Variants in PRKCE observed in about 807,000 individuals in gnomAD.
The protein encoded by PRKCE is protein kinase C epsilon, also known as protein kinase C epsilon type.
PRKCE carries 16 observed loss-of-function variants against 85.4 expected under a neutral mutation model. The ratio of observed to expected loss-of-function variants is 0.19; its 90% CI spans 0.13 to 0.28. PRKCE has a LOEUF of 0.28. Among genes scored for constraint, PRKCE ranks in the 10% least tolerant of loss-of-function variants. The pLI is 1.00. For missense variants in PRKCE, 573 were observed against 975.2 expected, an observed-to-expected ratio of 0.59 and a Z score of 5.49; for synonymous variants, 388 against 371.5, an observed-to-expected ratio of 1.04 and a Z score of -0.51.
intron 14 of PRKCE, among the ~76,000 whole-genome samples, chr2:46,162,560 G>A (rs906115549): frequency 1.3e-5 from 2 of 152,174 alleles, no homozygotes; most frequent in Non-Finnish European, 2.9e-5. Flanking sequence ...GGGGTCAGGG[G>A]AGAGGGTATT....
At chr2:45,792,835 A>C (rs941122290) in intron 1 of PRKCE, among the ~76,000 whole-genome samples, 2 of 152,180 alleles carry the variant, frequency 1.3e-5, no homozygotes, top group African/African-American at 2.4e-5. Flanking sequence ...GTCTTGCTCC[A>C]TCACCCAGGC....
At chr2:45,993,165 G>A in intron 6 of PRKCE, among the ~76,000 whole-genome samples, 1 of 149,360 alleles carries the variant, frequency 6.7e-6, no homozygotes, top group African/African-American at 2.5e-5. Flanking sequence ...GGTGGGGGTG[G>A]GTGGTTCATT....
chr2:45,917,744 C>T (rs1017831552), intron 2 of PRKCE, among the ~76,000 whole-genome samples: 10 of 152,206 alleles, frequency 6.6e-5, no homozygotes, highest in African/African-American at 1.9e-4. Context: ...GGGGAGGCTC[C>T]GGCCGCACGG....
At chr2:45,812,744 C>G (rs1012063667) in intron 1 of PRKCE, among the ~76,000 whole-genome samples, 2 of 152,086 alleles carry the variant, frequency 1.3e-5, no homozygotes, top group African/African-American at 2.4e-5. Flanking sequence ...TTAAAGCACC[C>G]GGCAGGGACT....
At chr2:45,996,090 A>C (rs2104688696) in intron 6 of PRKCE, among the ~76,000 whole-genome samples, 1 of 152,250 alleles carries the variant, frequency 6.6e-6, no homozygotes, top group East Asian at 1.9e-4. Flanking sequence ...TGTGAGATTT[A>C]TATGTAAATA....
chr2:45,776,984 G>C (rs965859330), intron 1 of PRKCE, among the ~76,000 whole-genome samples: 1 of 152,184 alleles, frequency 6.6e-6, no homozygotes, highest in African/African-American at 2.4e-5. Context: ...GTATGGCCTA[G>C]TGAGAGGAGT....
chr2:45,993,401 A>G (rs1466276310), intron 6 of PRKCE, among the ~76,000 whole-genome samples: 1 of 152,210 alleles, frequency 6.6e-6, no homozygotes, highest in African/African-American at 2.4e-5. Flanking sequence ...CACATCGTGC[A>G]TGCTAACTGA....
intron 12 of PRKCE, 99 bp from the exon 13 acceptor site, chr2:46,150,942 C>A: frequency 2.7e-6 from 3 of 1,104,944 alleles, no homozygotes; most frequent in Non-Finnish European, 3.8e-6. Flanking sequence ...TAGGGAGGAG[C>A]AAGTTGGAAT....
intron 14 of PRKCE, among the ~76,000 whole-genome samples, chr2:46,183,046 T>C (rs1451360991): frequency 6.6e-6 from 1 of 152,198 alleles, no homozygotes; most frequent in Non-Finnish European, 1.5e-5. Flanking sequence ...AGGATCAGGA[T>C]GTTACCAGCC....
rs1418298771 is a variant in PRKCE at position 46,041,668 on chromosome 2, G to A, written c.1437+31151G>A. Among the ~76,000 whole-genome samples, 2 of 152,246 alleles carry A rather than the reference G, an allele frequency of 1.3e-5. No individual in the cohort carries two copies. The highest frequency in any genetic ancestry group is 2.9e-5 in the Non-Finnish European group (2 of 68,042). ...ATAGCTTTTTCCCTTAACTTGGAAT[G>A]AACAACATAGTACTGAAGTGTTTCC... On this transcript the variant is annotated intron_variant, in intron 10 of 14. Coordinates refer to ENST00000306156, the MANE Select transcript of PRKCE (RefSeq NM_005400.3). The surrounding 1 kb of genome is among the most constrained non-coding windows in gnomAD (Gnocchi z 5.5).
intron 2 of PRKCE, among the ~76,000 whole-genome samples, chr2:45,903,153 C>T (rs897130029): frequency 1.3e-5 from 2 of 152,024 alleles, no homozygotes; most frequent in Admixed American, 6.6e-5. Flanking sequence ...TCTCAGTGCC[C>T]GAGGGAGTTG....
At chr2:45,976,020 T>G (rs1271470107) in intron 2 of PRKCE, among the ~76,000 whole-genome samples, 1 of 152,170 alleles carries the variant, frequency 6.6e-6, no homozygotes, top group Admixed American at 6.5e-5. Context: ...CAAAGGGAGA[T>G]GCGCTCAGAT....
At chr2:45,981,322 C>T (rs928238034) in intron 5 of PRKCE, among the ~76,000 whole-genome samples, 11 of 152,134 alleles carry the variant, frequency 7.2e-5, no homozygotes, top group South Asian at 2.1e-4. Context: ...ATTAGAATCG[C>T]GGGTTAGAGA....
At chr2:45,854,304 G>A (rs1471193553) in intron 2 of PRKCE, among the ~76,000 whole-genome samples, 1 of 152,138 alleles carries the variant, frequency 6.6e-6, no homozygotes. Flanking sequence ...GGGCCTCTTG[G>A]TCCAGTGGGG....
chr2:45,775,711 TCCTGCTG>T (rs1329398053), intron 1 of PRKCE, among the ~76,000 whole-genome samples: 1 of 152,174 alleles, frequency 6.6e-6, no homozygotes, highest in Non-Finnish European at 1.5e-5. Flanking sequence ...CCCTTGAGCT[TCCTGCTG>T]CCTCAGCCAG....
At chr2:46,047,304 G>A (rs529544989) in intron 10 of PRKCE, among the ~76,000 whole-genome samples, 23 of 152,284 alleles carry the variant, frequency 1.5e-4, no homozygotes, top group African/African-American at 5.5e-4. Context: ...AAGGGAACCC[G>A]AGGAACTTGA....
At chr2:45,809,377 G>A (rs1688487976) in intron 1 of PRKCE, among the ~76,000 whole-genome samples, 1 of 152,024 alleles carries the variant, frequency 6.6e-6, no homozygotes, top group Admixed American at 6.5e-5. Flanking sequence ...TTGAGTAAGG[G>A]CTCTGGGGCA....
intron 11 of PRKCE, among the ~76,000 whole-genome samples, chr2:46,100,657 G>T (rs1169701250): frequency 6.6e-6 from 1 of 152,178 alleles, no homozygotes; most frequent in African/African-American, 2.4e-5. Context: ...TTGTACTTTT[G>T]TCTGGGGAAG....
chr2:46,027,059 C>T (rs1707168014), intron 10 of PRKCE, among the ~76,000 whole-genome samples: 1 of 152,142 alleles, frequency 6.6e-6, no homozygotes, highest in Non-Finnish European at 1.5e-5. Flanking sequence ...GTCCCAGCTA[C>T]TCTGGAGGCT....
Sources: allele counts gnomAD v4.1 joint callset (sites outside exome capture counted in the v4.1 genomes callset), GRCh38; gene constraint gnomAD v4.1.1; non-coding constraint Gnocchi (gnomAD v3.1); transcripts MANE v1.5; gene names NCBI Gene and HGNC (gene_info 2026-07-23, HGNC 2026-07-21).